ANKRD50: variants seen among roughly 807,000 people sequenced by gnomAD.
ANKRD50 encodes ankyrin repeat domain-containing protein 50.
A neutral mutation model predicts 112.0 loss-of-function variants in ANKRD50; 40 were observed. The observed-to-expected ratio is 0.36, with a 90% CI of 0.28 to 0.46. The LOEUF is 0.46. Ranked by LOEUF, ANKRD50 falls within the 20% of genes least tolerant of loss-of-function variation. The pLI is 1.00. For missense variants in ANKRD50, 1,487 were observed against 1,701.7 expected, an observed-to-expected ratio of 0.87 and a Z score of 2.22; for synonymous variants, 613 against 619.1, an observed-to-expected ratio of 0.99 and a Z score of 0.15.
chr4:124,664,245 C>CGGA lies in ANKRD50; in HGVS notation c.*3272_*3273insTCC. 6.6e-6 allele frequency: 1 copy of CGGA among 151,476 alleles called. No homozygotes were observed. Among genetic ancestry groups the CGGA allele is most frequent in the South Asian group, 2.1e-4 (1 of 4,796 alleles). 9.4% of individuals were successfully genotyped at this position (151,476 alleles called of 1,614,324 possible). On this transcript the variant is annotated 3_prime_UTR_variant, in exon 5 of 5. Coordinates refer to ENST00000504087, the MANE Select transcript of ANKRD50 (RefSeq NM_020337.3). The stretch of plus-strand genomic sequence containing the variant: ...GTGTGATATAGTATATAATCAGTCA[C>CGGA]GGGGGGGAAAAGAACATTAAGTCTT...
In ANKRD50 at chr4:124,711,090, G is replaced by A. The variant is rs568299082; in HGVS notation, c.-579C>T. ...AGATCGTGCCAGTTTCAGGCATCTG[G>A]GCAACTGCCAGGAACTGTTTCAGAT... On this transcript the variant is annotated 5_prime_UTR_variant, in exon 2 of 5. Transcript: ENST00000504087. The A allele has an allele frequency of 1.2e-5, 3 of 245,148 alleles. No homozygotes were observed. The East Asian group carries it at 2.3e-4, about 19-fold the overall frequency. The allele number at this position is 245,148 out of a possible 1,614,324, so 15.2% of individuals were successfully genotyped here.
intron 2 of ANKRD50, 83 bp from the exon 3 acceptor site, chr4:124,678,988 T>C: frequency 9.9e-7 from 1 of 1,012,176 alleles, no homozygotes. Flanking sequence ...AGAGTATTAA[T>C]TATAAATTCT....
chr4:124,669,128 T>C lies in ANKRD50; in HGVS notation c.4149A>G (p.Arg1383=). 6.2e-7 allele frequency: 1 copy of C among 1,613,744 alleles called. No individual in the cohort carries two copies. The highest frequency in any genetic ancestry group is 1.3e-5 in the African/African-American group (1 of 75,000). ...QVFLGRVSVP[R]TMQDRGHQEV... ...CCTGATGCCCTCTATCTTGCATTGT[T>C]CGTGGGACTGAAACCCTACCAAGAA... Residue 1383 remains arginine, a synonymous_variant, in exon 4 of 5, where the codon CGA becomes CGG. Transcript: ENST00000504087.
At chr4:124,700,126 A>C (rs1725355622) in intron 2 of ANKRD50, among the ~76,000 whole-genome samples, 1 of 152,246 alleles carries the variant, frequency 6.6e-6, no homozygotes, top group Non-Finnish European at 1.5e-5. Flanking sequence ...GAATAAGGAA[A>C]GCTCTCTGAG....
chr4:124,710,289 A>C lies in ANKRD50; in HGVS notation c.223T>G (p.Leu75Val). Reference protein sequence around the residue: ...SGKGAAWGVLLVGGPGSGKTA... With the variant: ...SGKGAAWGVLVVGGPGSGKTA... ...TTGCCACTGCCAGGCCCTCCTACCAACAACACACCCCAGGCAGCTCCCTTT... is the reference window on the plus strand; with the variant it reads ...TTGCCACTGCCAGGCCCTCCTACCACCAACACACCCCAGGCAGCTCCCTTT... The change falls in exon 2 of 5, where the codon TTG becomes GTG. Residue 75 changes from leucine to valine, a missense_variant. Coordinates refer to ENST00000504087, the MANE Select transcript of ANKRD50 (RefSeq NM_020337.3). 3.1e-6 allele frequency: 5 copies of C among 1,614,160 alleles called. No homozygotes were observed. Among genetic ancestry groups the C allele is most frequent in the Non-Finnish European group, 4.2e-6 (5 of 1,180,020 alleles).
Position 124,664,526 on chromosome 4 carries a change from C to G in ANKRD50, c.*2992G>C, listed in dbSNP as rs1389117286. 1 of 152,314 alleles carries G rather than the reference C, an allele frequency of 6.6e-6. No homozygotes were observed. Among genetic ancestry groups the G allele is most frequent in the Non-Finnish European group, 1.5e-5 (1 of 67,880 alleles). 9.4% of individuals were successfully genotyped at this position (152,314 alleles called of 1,614,324 possible). ...TATTTATTATGCACTTTCATATACA[C>G]AGGGATTTTTTGAGTAATATCATAC... On this transcript the variant is annotated 3_prime_UTR_variant, in exon 5 of 5. Coordinates refer to ENST00000504087, the MANE Select transcript of ANKRD50 (RefSeq NM_020337.3).
At chr4:124,672,892 T>G (rs1730695435) in intron 3 of ANKRD50, among the ~76,000 whole-genome samples, 1 of 152,080 alleles carries the variant, frequency 6.6e-6, no homozygotes, top group Non-Finnish European at 1.5e-5. Context: ...GGAAAAAAAG[T>G]TGCAGGAGAC....
chr4:124,699,401 C>T (rs1725337716), intron 2 of ANKRD50, among the ~76,000 whole-genome samples: 2 of 152,102 alleles, frequency 1.3e-5, no homozygotes, highest in South Asian at 4.1e-4. Context: ...TCCTCTGGGG[C>T]CATTAATTTT....
chr4:124,689,567 C>T (rs771155075), intron 2 of ANKRD50, among the ~76,000 whole-genome samples: 8 of 152,178 alleles, frequency 5.3e-5, no homozygotes, highest in Admixed American at 6.5e-5. Flanking sequence ...AAGGCTAACC[C>T]TTCCACCTGA....
At chr4:124,678,628 T>C in intron 3 of ANKRD50, 48 bp downstream of exon 3, 2 of 1,527,800 alleles carry the variant, frequency 1.3e-6, no homozygotes, top group East Asian at 2.3e-5. Flanking sequence ...AAGAAACTAG[T>C]TCATTAATGA....
In ANKRD50 at chr4:124,672,422, T is replaced by C. The variant is rs61739725; in HGVS notation, c.855A>G (p.Thr285=). ...DQEEALRQHL[T]KETAEMLNQL... ...GATTTAACATCTCTGCAGTTTCTTT[T>C]GTGAGGTGTTGTCGCAAAGCTTCTT... Residue 285 remains threonine (T), a synonymous_variant, in exon 4 of 5, where the codon ACA becomes ACG. Coordinates refer to ENST00000504087, the MANE Select transcript of ANKRD50 (RefSeq NM_020337.3). The C allele has an allele frequency of 2.7e-3, 4,402 of 1,613,128 alleles. 89 individuals carry two copies. The African/African-American group carries it at 0.047, about 17-fold the overall frequency.
At position 124,710,697 on chromosome 4, in the gene ANKRD50, G is replaced by A. The variant is rs114002268; in HGVS notation, c.-186C>T. On this transcript the variant is annotated 5_prime_UTR_variant, in exon 2 of 5. Coordinates refer to ENST00000504087, the MANE Select transcript of ANKRD50 (RefSeq NM_020337.3). ...TGACTTTATTTGGTTCCTTATTCTT[G>A]ATCAGCAGTCTATGTATTAGTTGTT... The A allele has an allele frequency of 1.4e-6, 1 of 690,982 alleles. No homozygotes were observed. The highest frequency in any genetic ancestry group is 2.4e-6 in the Non-Finnish European group (1 of 418,196). The allele number at this position is 690,982 out of a possible 1,614,324, so 42.8% of individuals were successfully genotyped here.
intron 2 of ANKRD50, among the ~76,000 whole-genome samples, chr4:124,707,316 T>C (rs536057253): frequency 6.0e-4 from 91 of 152,164 alleles, no homozygotes; most frequent in African/African-American, 1.2e-3. Flanking sequence ...CCTATTAAAA[T>C]TCTCTAAAGG....
intron 3 of ANKRD50, among the ~76,000 whole-genome samples, chr4:124,673,759 T>C (rs1005125876): frequency 6.6e-6 from 1 of 152,054 alleles, no homozygotes; most frequent in Non-Finnish European, 1.5e-5. Flanking sequence ...TTTAAGTATG[T>C]AGACAAAATG....
At chr4:124,692,359 T>C (rs997420188) in intron 2 of ANKRD50, among the ~76,000 whole-genome samples, 1 of 152,186 alleles carries the variant, frequency 6.6e-6, no homozygotes, top group Non-Finnish European at 1.5e-5. Flanking sequence ...AACTGGTAAA[T>C]ATTTTAAAGC....
In ANKRD50 at chr4:124,666,678, C is replaced by T. The variant is rs1285534558; in HGVS notation, c.*840G>A. 1 of 152,392 alleles carries T rather than the reference C, an allele frequency of 6.6e-6. No homozygotes were observed. The highest frequency in any genetic ancestry group is 6.6e-5 in the Admixed American group (1 of 15,224). The allele number at this position is 152,392 out of a possible 1,614,324, so 9.4% of individuals were successfully genotyped here. ...TCTCTGCACACACATGTGACTGAGG[C>T]ATGGCTTTGTCCCTGAGAATTTTCA... On this transcript the variant is annotated 3_prime_UTR_variant, in exon 5 of 5. Transcript: ENST00000504087.
At chr4:124,703,589 T>A (rs1325193169) in intron 2 of ANKRD50, among the ~76,000 whole-genome samples, 1 of 151,520 alleles carries the variant, frequency 6.6e-6, no homozygotes, top group African/African-American at 2.4e-5. Context: ...GCAGGGCTTA[T>A]ATAAAGACAG....
intron 2 of ANKRD50, among the ~76,000 whole-genome samples, chr4:124,699,974 T>C (rs982672181): frequency 7.2e-5 from 11 of 152,134 alleles, no homozygotes; most frequent in Admixed American, 1.3e-4. Context: ...GTTATGCCAA[T>C]AGATGAGCAG....
chr4:124,696,950 C>T (rs906414250), intron 2 of ANKRD50, among the ~76,000 whole-genome samples: 4 of 152,126 alleles, frequency 2.6e-5, no homozygotes, highest in Non-Finnish European at 5.9e-5. Flanking sequence ...AATTAGAGTA[C>T]ACTTTTCACT....
Sources: allele counts gnomAD v4.1 joint callset (sites outside exome capture counted in the v4.1 genomes callset), GRCh38; gene constraint gnomAD v4.1.1; transcripts MANE v1.5; gene names NCBI Gene and HGNC (gene_info 2026-07-23, HGNC 2026-07-21).